Variants in TMOD2 observed in about 807,000 individuals in gnomAD.
TMOD2 encodes tropomodulin 2.
Under a neutral mutation model 39.9 loss-of-function variants are expected in TMOD2, and 22 were observed. That is an observed-to-expected ratio of 0.55 (90% CI 0.39 to 0.79). TMOD2 has a LOEUF of 0.79. Ranked by LOEUF, TMOD2 falls within the 30% of genes least tolerant of loss-of-function variation. The pLI is 0.00. For synonymous variants in TMOD2, 123 were observed against 146.1 expected (o/e 0.84, Z 1.14); for missense variants, 386 against 413.3 (o/e 0.93, Z 0.57).
intron 7 of TMOD2, chr15:51,783,841 A>G (rs2055950352): frequency 6.6e-6 from 1 of 152,226 alleles, no homozygotes; most frequent in Non-Finnish European, 1.5e-5. Context: ...TGCATTTTAG[A>G]TAATTTAGCC....
Position 51,808,440 on chromosome 15 carries a change from G to A in TMOD2, c.1042G>A (p.Ala348Thr). ...NDLVRKKRVE[A>T]DRR ...CCTAGTTCGTAAGAAGAGAGTTGAAGCAGACCGAAGGTAAACTTCCTTGAG... is the reference window on the plus strand; with the variant it reads ...CCTAGTTCGTAAGAAGAGAGTTGAAACAGACCGAAGGTAAACTTCCTTGAG... The change falls in exon 10 of 10, where the codon GCA becomes ACA. Residue 348 changes from alanine to threonine, a missense_variant. Physicochemically the swap from Ala to Thr is moderately conservative, Grantham distance 58. Coordinates refer to ENST00000249700, the MANE Select transcript of TMOD2 (RefSeq NM_014548.4). 6.2e-7 allele frequency: 1 copy of A among 1,612,676 alleles called. No homozygotes were observed. The highest frequency in any genetic ancestry group is 1.3e-5 in the African/African-American group (1 of 75,006).
At chr15:51,759,961 C>G (rs74015768) in intron 1 of TMOD2, among the ~76,000 whole-genome samples, 2,248 of 152,294 alleles carry the variant, frequency 0.015, 56 homozygotes, top group African/African-American at 0.052. Context: ...CAATCTCCCC[C>G]TCCCCTGCTC....
intron 8 of TMOD2, among the ~76,000 whole-genome samples, chr15:51,803,555 A>G (rs2056103925): frequency 6.6e-6 from 1 of 152,110 alleles, no homozygotes; most frequent in Non-Finnish European, 1.5e-5. Context: ...TAAATCATAA[A>G]CCAAATGGAA....
chr15:51,805,875 C>T (rs1293759023), intron 8 of TMOD2, among the ~76,000 whole-genome samples: 1 of 151,996 alleles, frequency 6.6e-6, no homozygotes, highest in East Asian at 1.9e-4. Flanking sequence ...GTACTATATG[C>T]CACTGAATTG....
intron 5 of TMOD2, among the ~76,000 whole-genome samples, chr15:51,779,895 T>G (rs368790625): frequency 5.3e-5 from 8 of 152,300 alleles, no homozygotes; most frequent in East Asian, 1.9e-4. Flanking sequence ...TTGCCCAGCC[T>G]GGTCTCAAAC....
chr15:51,791,156 G>C (rs982720337), intron 7 of TMOD2, among the ~76,000 whole-genome samples: 1 of 152,148 alleles, frequency 6.6e-6, no homozygotes, highest in Non-Finnish European at 1.5e-5. Flanking sequence ...CTTCAGCAAA[G>C]TCTCAGGATA....
rs61348403 is a variant in TMOD2, at chr15:51,768,460, C to CTTT, written c.283+52_283+54dup. ...GAGCATCTTGGAACAGAGGTTCTCT[C>CTTT]TTTTTTTTTTTTGGAACGGAGGCAC... On this transcript the variant is annotated intron_variant, in intron 3 of 9. Coordinates refer to ENST00000249700, the MANE Select transcript of TMOD2 (RefSeq NM_014548.4). 1.3e-3 allele frequency: 1,705 copies of CTTT among 1,350,630 alleles called. 6 individuals are homozygous for CTTT. The highest frequency in any genetic ancestry group is 0.013 in the African/African-American group (836 of 66,438). The allele number at this position is 1,350,630 out of a possible 1,614,324, so 83.7% of individuals were successfully genotyped here.
intron 7 of TMOD2, chr15:51,784,519 A>G (rs1216240539): frequency 3.9e-5 from 6 of 152,256 alleles, no homozygotes; most frequent in African/African-American, 1.4e-4. Flanking sequence ...GAATATTTCT[A>G]TGGTGATCAC....
intron 8 of TMOD2, among the ~76,000 whole-genome samples, chr15:51,799,892 AT>A (rs1237735185): frequency 6.6e-6 from 1 of 152,166 alleles, no homozygotes. Context: ...TCCAAAGTAT[AT>A]TTAACTTTGT....
Position 51,793,801 on chromosome 15 carries a change from C to G in TMOD2, c.733-4396C>G, listed in dbSNP as rs560140081. ...AGGTCCTGCAACTTTCTGTAAAGGC[C>G]TAATTGCTCTGACATTTTGTTATTC... On this transcript the variant is annotated intron_variant, in intron 7 of 9. Transcript: ENST00000249700. 1.1e-4 allele frequency among the ~76,000 whole-genome samples: 17 copies of G among 152,316 alleles called. No individual in the cohort carries two copies. In the South Asian group the frequency reaches 3.5e-3, roughly 32 times the overall value.
Position 51,768,421 on chromosome 15 carries a change from A to G in TMOD2, c.283+3A>G. 1.2e-6 allele frequency: 2 copies of G among 1,613,498 alleles called. No homozygotes were observed. The highest frequency in any genetic ancestry group is 1.7e-6 in the Non-Finnish European group (2 of 1,179,800). ...GCCCTTCACTGGAGAAAAGAAAGGT[A>G]AGGACCACAGGCAGAGCATCTTGGA... On this transcript the variant is annotated splice_donor_region_variant and intron_variant, in intron 3 of 9. Transcript: ENST00000249700.
At chr15:51,785,411 C>CAAGAA (rs2055962279) in intron 7 of TMOD2, among the ~76,000 whole-genome samples, 1 of 70,490 alleles carries the variant, frequency 1.4e-5, no homozygotes, top group Non-Finnish European at 2.6e-5. Flanking sequence ...GACTCTGTCT[C>CAAGAA]AAAAAAAAAA....
intron 1 of TMOD2, among the ~76,000 whole-genome samples, chr15:51,764,955 G>A (rs1312602864): frequency 1.3e-5 from 2 of 152,096 alleles, no homozygotes; most frequent in Non-Finnish European, 2.9e-5. Flanking sequence ...ATTGCTGTTT[G>A]TGTGAGAGTC....
chr15:51,785,916 T>G (rs1376728211), intron 7 of TMOD2, among the ~76,000 whole-genome samples: 2 of 152,140 alleles, frequency 1.3e-5, no homozygotes, highest in African/African-American at 4.8e-5. Flanking sequence ...CCCAAAAATA[T>G]GTACAACTAT....
Position 51,810,043 on chromosome 15 carries a change from C to T in TMOD2, c.*1589C>T, listed in dbSNP as rs1287035446. On this transcript the variant is annotated 3_prime_UTR_variant, in exon 10 of 10. Transcript: ENST00000249700. ...TTTTAATGTTTGAGAACACCATAAG[C>T]AGAATATTCTAACACCTTTGGCCCC... The T allele has an allele frequency of 6.6e-6, 1 of 152,044 alleles. No individual in the cohort carries two copies. Among genetic ancestry groups the T allele is most frequent in the Non-Finnish European group, 1.5e-5 (1 of 68,012 alleles). The allele number at this position is 152,044 out of a possible 1,614,324, so 9.4% of individuals were successfully genotyped here. A position where few individuals can be genotyped will look rare whatever the true frequency, so the allele number is the denominator to read the frequency against.
Position 51,815,231 on chromosome 15 carries a change from C to A in TMOD2, c.*6777C>A. ...GAGCCGAGATCACACCACTGCACTC[C>A]AGCCTGGGTGACAAGAACGAAACTC... is the stretch of plus-strand genomic sequence containing the variant. On this transcript the variant is annotated 3_prime_UTR_variant, in exon 10 of 10. Coordinates refer to ENST00000249700, the MANE Select transcript of TMOD2 (RefSeq NM_014548.4). 1 of 156,742 alleles carries A rather than the reference C, an allele frequency of 6.4e-6. No homozygotes were observed. The allele number at this position is 156,742 out of a possible 1,614,324, so 9.7% of individuals were successfully genotyped here.
chr15:51,782,771 C>T lies in TMOD2; in HGVS notation c.675C>T (p.Asn225=), dbSNP rs202229971. The T allele has an allele frequency of 6.2e-7, 1 of 1,614,054 alleles. No individual in the cohort carries two copies. The highest frequency in any genetic ancestry group is 2.2e-5 in the East Asian group (1 of 44,882). ...AATTTGCAAAGGCTCTGGAGACCAA[C>T]ACTCACGTGAAGAAGTTCAGCCTGG... ...LREFAKALET[N]THVKKFSLAA... Residue 225 remains asparagine, a synonymous_variant, in exon 7 of 10, where the codon AAC becomes AAT. Coordinates refer to ENST00000249700, the MANE Select transcript of TMOD2 (RefSeq NM_014548.4).
intron 6 of TMOD2, 48 bp downstream of exon 6, chr15:51,781,222 G>GA: frequency 1.9e-6 from 3 of 1,538,780 alleles, no homozygotes; most frequent in Non-Finnish European, 2.6e-6. Flanking sequence ...CATGAGGTCA[G>GA]AAAACTTACC....
intron 8 of TMOD2, among the ~76,000 whole-genome samples, chr15:51,803,060 T>C (rs1358122433): frequency 2.0e-5 from 3 of 151,880 alleles, no homozygotes; most frequent in Admixed American, 6.6e-5. Context: ...CACAAAAATA[T>C]ACTAGCAGAG....
Sources: gnomAD v4.1 joint callset for allele counts (sites outside exome capture counted in the v4.1 genomes callset) on GRCh38, gnomAD v4.1.1 for gene constraint, MANE v1.5 for transcripts, NCBI Gene and HGNC (gene_info 2026-07-23, HGNC 2026-07-21) for gene names.